The following TSPAN11 variants were observed in gnomAD, a reference collection of about 807,000 sequenced individuals.
The protein encoded by TSPAN11 is tetraspanin 11.
TSPAN11 carries 29 observed loss-of-function variants against 32.9 expected under a neutral mutation model. That is an observed-to-expected ratio of 0.88 (90% confidence interval 0.66 to 1.20). TSPAN11 has a LOEUF of 1.20. TSPAN11 is among the 50% of genes most tolerant of loss of function. The probability of loss-of-function intolerance (pLI) is 0.00; values close to 1 mark genes in which losing one functional copy is unlikely to be tolerated. For synonymous variants in TSPAN11, 140 were observed against 141.3 expected (o/e 0.99, Z 0.07); for missense variants, 283 against 329.1 (o/e 0.86, Z 1.08).
rs150049357 is a variant in TSPAN11 at position 30,954,265 on chromosome 12, G to GT, written c.84+191dup. 345 of 614,862 alleles carry GT rather than the reference G, an allele frequency of 5.6e-4. 1 individual carries two copies. In the African/African-American group the frequency reaches 5.6e-3, roughly 10 times the overall value. The allele number at this position is 614,862 out of a possible 1,614,324, so 38.1% of individuals were successfully genotyped here. A position where few individuals can be genotyped will look rare whatever the true frequency, so the allele number is the denominator to read the frequency against. ...TACTGAGAAAGAAGAAAAGAATTGGGTCTGCAGGTTGGCATGGAGTTTGTA... is the reference window on the plus strand; with the variant it reads ...TACTGAGAAAGAAGAAAAGAATTGGGTTCTGCAGGTTGGCATGGAGTTTGTA... On this transcript the variant is annotated intron_variant, in intron 2 of 7. Transcript: ENST00000546076.
intron 7 of TSPAN11, among the ~76,000 whole-genome samples, chr12:30,989,909 CA>C (rs1939277026): frequency 6.6e-6 from 1 of 152,166 alleles, no homozygotes; most frequent in African/African-American, 2.4e-5. Context: ...CAGAAGATAG[CA>C]CCAGGCACCA....
chr12:30,952,093 A>G (rs1938393568), intron 1 of TSPAN11, among the ~76,000 whole-genome samples: 1 of 151,996 alleles, frequency 6.6e-6, no homozygotes, highest in Admixed American at 6.6e-5. Context: ...AAAAAATACA[A>G]TTTTCCTTTA....
Position 30,939,866 on chromosome 12 carries a change from T to G in TSPAN11, c.-12+13070T>G, listed in dbSNP as rs147695417. Among the ~76,000 whole-genome samples, 851 of 152,354 alleles carry G rather than the reference T, an allele frequency of 5.6e-3. 1 individual carries two copies. Among genetic ancestry groups the G allele is most frequent in the African/African-American group, 0.02 (814 of 41,578 alleles). On this transcript the variant is annotated intron_variant, in intron 1 of 7. Transcript: ENST00000546076. ...CTCAGGTGTTTCCCATCAATGGAAC[T>G]GTCCTGTTCACATTGGTGCCTTGTT...
intron 2 of TSPAN11, among the ~76,000 whole-genome samples, chr12:30,959,120 T>C (rs1938558396): frequency 6.6e-6 from 1 of 152,082 alleles, no homozygotes; most frequent in African/African-American, 2.4e-5. Context: ...TCCACAGCCC[T>C]CTACAGAGCC....
At chr12:30,936,883 C>T (rs1938056311) in intron 1 of TSPAN11, among the ~76,000 whole-genome samples, 1 of 152,114 alleles carries the variant, frequency 6.6e-6, no homozygotes, top group Non-Finnish European at 1.5e-5. Context: ...CAGAATGTTC[C>T]CCACCTCACC....
At chr12:31,008,801 G>T in the TSPAN11 span, among the ~76,000 whole-genome samples, 14 of 152,218 alleles carry the variant, frequency 9.2e-5, no homozygotes, top group Admixed American at 6.5e-5. Context: ...CTGCAACACA[G>T]AAGGGGCCAA....
chr12:30,964,079 A>C, intron 3 of TSPAN11, 62 bp downstream of exon 3: 1 of 1,558,096 alleles, frequency 6.4e-7, no homozygotes, highest in South Asian at 1.2e-5. Flanking sequence ...TCAGGTTTCC[A>C]GCAAGTGAGA....
chr12:30,967,669 C>T (rs1217237776), intron 3 of TSPAN11, among the ~76,000 whole-genome samples: 3 of 130,076 alleles, frequency 2.3e-5, no homozygotes, highest in Admixed American at 7.8e-5. Context: ...CACGCACACA[C>T]ATTCGTGCAC....
the TSPAN11 span, among the ~76,000 whole-genome samples, chr12:31,005,405 G>A: frequency 2.0e-5 from 3 of 152,198 alleles, no homozygotes; most frequent in Admixed American, 6.5e-5. Context: ...CTCCACAGGC[G>A]GAAGCACTGT....
intron 5 of TSPAN11, among the ~76,000 whole-genome samples, chr12:30,980,316 T>C (rs35094): frequency 0.97 from 147,349 of 152,334 alleles, 71,301 homozygotes; most frequent in African/African-American, 0.99. Flanking sequence ...GTGGCTATTT[T>C]CAGCTCAATT....
At chr12:30,953,909 A>T (rs908177236) in intron 1 of TSPAN11, 72 bp from the exon 2 acceptor site, 16 of 1,151,414 alleles carry the variant, frequency 1.4e-5, no homozygotes, top group Middle Eastern at 2.3e-4. Flanking sequence ...CCTTGCCAAG[A>T]TGCTCTGGCT....
In TSPAN11 at chr12:30,979,684, C is replaced by T. The variant is rs994017813; in HGVS notation, c.456+14C>T. 1 of 1,613,588 alleles carries T rather than the reference C, an allele frequency of 6.2e-7. No homozygotes were observed. The highest frequency in any genetic ancestry group is 8.5e-7 in the Non-Finnish European group (1 of 1,179,514). ...CTCCAGCAGGATGTAAGCCATGCCC[C>T]ATATGGCCTTGAAGGCCAAGCCCAC... On this transcript the variant is annotated intron_variant, in intron 5 of 7. Coordinates refer to ENST00000546076, the MANE Select transcript of TSPAN11 (RefSeq NM_001370302.1).
intron 5 of TSPAN11, among the ~76,000 whole-genome samples, chr12:30,981,063 T>C (rs951034267): frequency 6.6e-6 from 1 of 151,348 alleles, no homozygotes; most frequent in African/African-American, 2.4e-5. Flanking sequence ...GTGAAGAGGG[T>C]GGGAGTGGCA....
At chr12:30,964,045 GAT>G (rs761764701) in intron 3 of TSPAN11, 28 bp downstream of exon 3, 3 of 1,604,498 alleles carry the variant, frequency 1.9e-6, no homozygotes, top group Non-Finnish European at 2.6e-6. Flanking sequence ...GCTCTGCAGG[GAT>G]GGGGAGCCCT....
At chr12:30,949,606 C>T (rs1010922881) in intron 1 of TSPAN11, among the ~76,000 whole-genome samples, 1 of 152,194 alleles carries the variant, frequency 6.6e-6, no homozygotes, top group Non-Finnish European at 1.5e-5. Flanking sequence ...CCCTGGGTCC[C>T]TCCCACAGCA....
intron 7 of TSPAN11, among the ~76,000 whole-genome samples, chr12:30,985,252 T>G (rs1185198967): frequency 6.6e-6 from 1 of 152,050 alleles, no homozygotes; most frequent in Non-Finnish European, 1.5e-5. Context: ...TGGGGCTAGT[T>G]ATACCTTATC....
At position 30,983,165 on chromosome 12, in the gene TSPAN11, G is replaced by T; in HGVS notation, c.702+15G>T. Reference sequence around the variant, plus strand: ...CCTGCCTGCAGGTGAGTTGCAGTGCGGGGACTGGTGGGGGTGGAAGGGCTC... The same window carrying T: ...CCTGCCTGCAGGTGAGTTGCAGTGCTGGGACTGGTGGGGGTGGAAGGGCTC... On this transcript the variant is annotated intron_variant, in intron 7 of 7. Coordinates refer to ENST00000546076, the MANE Select transcript of TSPAN11 (RefSeq NM_001370302.1). 1 of 1,603,840 alleles carries T rather than the reference G, an allele frequency of 6.2e-7. No individual in the cohort carries two copies.
At chr12:30,951,930 T>C (rs1938390183) in intron 1 of TSPAN11, among the ~76,000 whole-genome samples, 1 of 152,238 alleles carries the variant, frequency 6.6e-6, no homozygotes, top group South Asian at 2.1e-4. Flanking sequence ...AAATTCCTCA[T>C]TCTTTCTGCA....
chr12:31,011,540 C>T, the TSPAN11 span, among the ~76,000 whole-genome samples: 2,283 of 152,290 alleles, frequency 0.015, 54 homozygotes, highest in African/African-American at 0.052. Flanking sequence ...CACTGCAGCC[C>T]GGCATCAGCT....
Sources: allele counts gnomAD v4.1 joint callset (sites outside exome capture counted in the v4.1 genomes callset), GRCh38; gene constraint gnomAD v4.1.1; transcripts MANE v1.5; gene names NCBI Gene and HGNC (gene_info 2026-07-23, HGNC 2026-07-21).